Variants in TENM1 observed in about 807,000 individuals in gnomAD.
TENM1 encodes the protein teneurin transmembrane protein 1, also known as teneurin-1.
TENM1 carries 35 observed loss-of-function variants against 174.8 expected under a neutral mutation model. The observed-to-expected ratio is 0.20, with a 90% CI of 0.15 to 0.27. TENM1 has a LOEUF of 0.27. TENM1 is among the 10% of genes least tolerant of loss of function. The pLI is 1.00. For missense variants in TENM1, 1,633 were observed against 2,130.1 expected, an observed-to-expected ratio of 0.77 and a Z score of 4.59; for synonymous variants, 781 against 798.7, an observed-to-expected ratio of 0.98 and a Z score of 0.37.
At chrX:125,016,474 G>A in the TENM1 span, among the ~76,000 whole-genome samples, 1 of 111,095 alleles carries the variant, frequency 9.0e-6, no homozygotes, top group Non-Finnish European at 1.9e-5. Context: ...TTGCTACAAA[G>A]AGAATAAAAT....
chrX:124,421,144 G>A (rs773145831), intron 24 of TENM1, among the ~76,000 whole-genome samples: 1 of 111,569 alleles, frequency 9.0e-6, no homozygotes, highest in Non-Finnish European at 1.9e-5. Context: ...AAATTTGGCT[G>A]GAAATCTGAG....
chrX:124,596,021 C>T (rs950411497), intron 11 of TENM1, among the ~76,000 whole-genome samples: 4 of 112,161 alleles, frequency 3.6e-5, no homozygotes, highest in African/African-American at 1.3e-4. Flanking sequence ...AATAAGCTTG[C>T]ATGATAATTT....
chrX:124,542,252 G>T (rs770838222), intron 15 of TENM1, among the ~76,000 whole-genome samples: 1 of 112,437 alleles, frequency 8.9e-6, no homozygotes, highest in Non-Finnish European at 1.9e-5. Flanking sequence ...CATAGCAGTA[G>T]ATATTCAAAA....
intron 3 of TENM1, among the ~76,000 whole-genome samples, chrX:124,754,142 T>C (rs921173527): frequency 1.3e-4 from 14 of 111,633 alleles, no homozygotes; most frequent in South Asian, 7.7e-4. Flanking sequence ...TGGTAAGCTA[T>C]TGATTATTGC....
the TENM1 span, among the ~76,000 whole-genome samples, chrX:125,176,703 C>T: frequency 9.0e-6 from 1 of 111,465 alleles, no homozygotes; most frequent in Non-Finnish European, 1.9e-5. Context: ...TGTCTGAAGG[C>T]ATAATCATTG....
intron 18 of TENM1, among the ~76,000 whole-genome samples, chrX:124,504,452 T>C (rs768197669): frequency 2.7e-5 from 3 of 112,108 alleles, no homozygotes; most frequent in South Asian, 7.5e-4. Flanking sequence ...GTCTTTGCTC[T>C]ACTGAACTAT....
At chrX:124,594,163 C>T (rs1211849564) in intron 11 of TENM1, among the ~76,000 whole-genome samples, 1 of 111,773 alleles carries the variant, frequency 8.9e-6, no homozygotes, top group African/African-American at 3.3e-5. Flanking sequence ...TTCAGATCCA[C>T]TGTGGAAAAG....
chrX:124,384,302 G>T, exon 30 of TENM1: 1 of 1,206,622 alleles, frequency 8.3e-7, no homozygotes, highest in Non-Finnish European at 1.1e-6. Context: ...TCCTAATCTG[G>T]TGATGCGGTC....
chrX:125,033,807 A>G, the TENM1 span, among the ~76,000 whole-genome samples: 2 of 111,446 alleles, frequency 1.8e-5, no homozygotes, highest in African/African-American at 6.5e-5. Context: ...CATCTACACA[A>G]TATTCATTTT....
At chrX:124,819,017 C>T (rs1253170410) in intron 3 of TENM1, among the ~76,000 whole-genome samples, 1 of 111,619 alleles carries the variant, frequency 9.0e-6, no homozygotes, top group African/African-American at 3.2e-5. Flanking sequence ...AGGGTATGCA[C>T]CCCAGGCCAA....
intron 23 of TENM1, among the ~76,000 whole-genome samples, chrX:124,445,889 C>A (rs1435281084): frequency 8.9e-6 from 1 of 112,123 alleles, no homozygotes; most frequent in Non-Finnish European, 1.9e-5. Context: ...AAATAAAGCA[C>A]CCAGTGTCTT....
Position 124,420,732 on chromosome X carries a change from C to T in TENM1, c.4561G>A (p.Gly1521Arg). The T allele has an allele frequency of 5.0e-6, 6 of 1,211,199 alleles. No homozygotes were observed. The South Asian group carries it at 5.3e-5, about 11-fold the overall frequency. ...CTGATGGTACGAATTCGAACATTTC[C>T]GAGGTCTGCCACATAGAGGGTTCCA... The change falls in exon 25 of 32, where the codon GGA becomes AGA. Residue 1521 changes from glycine (G) to arginine (R), a missense_variant. Gly to Arg is a moderately radical substitution (Grantham distance 125, BLOSUM62 -2). Around this residue, in one of 4 missense-constraint regions of TENM1, gnomAD observed 807 missense variants for 1,125.3 expected, o/e 0.72. Transcript: ENST00000422452.
chrX:124,395,987 T>C (rs751129391), intron 27 of TENM1, among the ~76,000 whole-genome samples: 34 of 111,948 alleles, frequency 3.0e-4, no homozygotes, highest in Non-Finnish European at 6.2e-4. Context: ...AAAGTCATTA[T>C]AGCTACATAA....
At chrX:124,886,374 T>C (rs182244468) in intron 3 of TENM1, among the ~76,000 whole-genome samples, 1 of 110,061 alleles carries the variant, frequency 9.1e-6, no homozygotes, top group Non-Finnish European at 1.9e-5. Context: ...TATATCCATA[T>C]GTATGTATTA....
chrX:124,892,696 C>T (rs1448433162), intron 3 of TENM1, among the ~76,000 whole-genome samples: 1 of 111,770 alleles, frequency 8.9e-6, no homozygotes, highest in Non-Finnish European at 1.9e-5. Flanking sequence ...TGTTCCTAAG[C>T]TGATCCATGA....
At chrX:124,570,144 A>C (rs1432322306) in intron 11 of TENM1, among the ~76,000 whole-genome samples, 1 of 111,706 alleles carries the variant, frequency 9.0e-6, no homozygotes, top group African/African-American at 3.2e-5. Context: ...GAATAATACA[A>C]CTTAATAAAC....
exon 32 of TENM1, chrX:124,378,655 TG>T (rs2060125631): frequency 8.9e-6 from 1 of 112,240 alleles, no homozygotes; most frequent in Non-Finnish European, 1.9e-5. Context: ...AGAATACATG[TG>T]TAAGTGGTAT....
chrX:124,500,557 A>T (rs1186480135), intron 19 of TENM1, among the ~76,000 whole-genome samples: 1 of 111,834 alleles, frequency 8.9e-6, no homozygotes, highest in Non-Finnish European at 1.9e-5. Flanking sequence ...TATTTATGTG[A>T]AGGCCAACTT....
intron 3 of TENM1, among the ~76,000 whole-genome samples, chrX:124,793,784 T>C (rs1017729877): frequency 9.0e-6 from 1 of 111,476 alleles, no homozygotes; most frequent in Non-Finnish European, 1.9e-5. Context: ...AATTTTTCAT[T>C]TTTATTAATA....
Sources: gnomAD v4.1 joint callset for allele counts (sites outside exome capture counted in the v4.1 genomes callset) on GRCh38, gnomAD v4.1.1 for gene constraint, gnomAD v4.1.1 regional missense constraint, MANE v1.5 for transcripts, NCBI Gene and HGNC (gene_info 2026-07-23, HGNC 2026-07-21) for gene names.